The following PGM5 variants were observed in gnomAD, a reference collection of about 807,000 sequenced individuals.
PGM5 encodes phosphoglucomutase-like protein 5.
In PGM5, 23 loss-of-function variants were observed where a neutral mutation model predicts 59.2. That is an observed-to-expected ratio of 0.39 (90% CI 0.28 to 0.55). PGM5 has a LOEUF of 0.55. Among genes scored for constraint, PGM5 ranks in the 20% least tolerant of loss-of-function variants. PGM5 has a pLI of 0.66. For missense variants in PGM5, 574 were observed against 748.3 expected (o/e 0.77, Z 2.72); for synonymous variants, 214 against 286.0 (o/e 0.75, Z 2.54).
At chr9:68,440,011 A>G (rs1554683596) in intron 6 of PGM5, among the ~76,000 whole-genome samples, 1 of 152,222 alleles carries the variant, frequency 6.6e-6, no homozygotes, top group Non-Finnish European at 1.5e-5. Flanking sequence ...GGGTCAGTTT[A>G]CCAAAAAGAT....
chr9:68,422,998 C>T (rs1391726573), intron 6 of PGM5, among the ~76,000 whole-genome samples: 1 of 152,182 alleles, frequency 6.6e-6, no homozygotes, highest in Non-Finnish European at 1.5e-5. Context: ...TCCTGAATTA[C>T]TTCACTTAGA....
rs147808276 is a variant in PGM5, at chr9:68,390,683, C to T, written c.698-851C>T. Among the ~76,000 whole-genome samples, 234 of 152,238 alleles carry T rather than the reference C, an allele frequency of 1.5e-3. 3 individuals carry two copies. Among genetic ancestry groups the T allele is most frequent in the African/African-American group, 4.4e-3 (182 of 41,538 alleles). On this transcript the variant is annotated intron_variant, in intron 4 of 10. Coordinates refer to ENST00000396396, the MANE Select transcript of PGM5 (RefSeq NM_021965.4). ...TCCACAGATGTGCCTTATGTTCTAC[C>T]TCAGGCTCTGTTCCCTTGCTCATAA...
chr9:68,392,589 T>C (rs1269413773), intron 6 of PGM5, 116 bp downstream of exon 6: 2 of 1,505,840 alleles, frequency 1.3e-6, no homozygotes, highest in African/African-American at 2.8e-5. Context: ...GTTGAAAGCA[T>C]GGGAACACGG....
chr9:68,440,177 T>G (rs953400278), intron 6 of PGM5, among the ~76,000 whole-genome samples: 1 of 152,166 alleles, frequency 6.6e-6, no homozygotes, highest in Non-Finnish European at 1.5e-5. Flanking sequence ...CAGAAACAGA[T>G]AGATCTGATG....
intron 10 of PGM5, among the ~76,000 whole-genome samples, chr9:68,519,842 C>T (rs1824872500): frequency 6.6e-6 from 1 of 151,096 alleles, no homozygotes; most frequent in Non-Finnish European, 1.5e-5. Context: ...GGTAGGATTG[C>T]TTAAGCCTGG....
chr9:68,519,832 G>A (rs559698964), intron 10 of PGM5, among the ~76,000 whole-genome samples: 227 of 151,290 alleles, frequency 1.5e-3, no homozygotes, highest in Admixed American at 4.1e-3. Context: ...AGGCCAAGGT[G>A]GTAGGATTGC....
chr9:68,496,742 T>C (rs1554688179), intron 9 of PGM5: 1 of 152,262 alleles, frequency 6.6e-6, no homozygotes, highest in African/African-American at 2.4e-5. Context: ...CACATGTTTA[T>C]AGTTTGTTAT....
intron 1 of PGM5, among the ~76,000 whole-genome samples, chr9:68,376,586 C>T (rs192547931): frequency 6.0e-5 from 9 of 150,556 alleles, no homozygotes; most frequent in East Asian, 5.9e-4. Flanking sequence ...TGGTCAGTGA[C>T]GGACCTCTAG....
At chr9:68,452,006 A>G (rs1237381420) in intron 6 of PGM5, among the ~76,000 whole-genome samples, 2 of 152,240 alleles carry the variant, frequency 1.3e-5, no homozygotes, top group Non-Finnish European at 2.9e-5. Context: ...CTGGATCTTG[A>G]AGAAGGGATA....
intron 9 of PGM5, among the ~76,000 whole-genome samples, chr9:68,488,363 C>T (rs782400190): frequency 1.1e-4 from 17 of 152,332 alleles, no homozygotes; most frequent in Non-Finnish European, 2.1e-4. Flanking sequence ...GAAAAAAATC[C>T]TGTTTCACAT....
At chr9:68,361,557 G>A (rs1223311512) in intron 1 of PGM5, among the ~76,000 whole-genome samples, 32 of 151,826 alleles carry the variant, frequency 2.1e-4, no homozygotes, top group Non-Finnish European at 3.1e-4. Flanking sequence ...AGGAGCATGC[G>A]GTTTTGATAT....
chr9:68,373,506 C>T, intron 1 of PGM5, among the ~76,000 whole-genome samples: 1 of 152,306 alleles, frequency 6.6e-6, no homozygotes. Context: ...AAAAATGTAT[C>T]TATAATTGTT....
intron 8 of PGM5, 66 bp from the exon 9 acceptor site, chr9:68,483,799 C>G (rs1262190818): frequency 6.9e-7 from 1 of 1,446,032 alleles, no homozygotes; most frequent in Non-Finnish European, 9.7e-7. Context: ...GATTAAATAA[C>G]TGTAAGTGGG....
Position 68,392,595 on chromosome 9 carries a change from C to T in PGM5, c.1043+122C>T, listed in dbSNP as rs1201251026. The T allele has an allele frequency of 1.3e-5, 20 of 1,488,264 alleles. No individual in the cohort carries two copies. In the African/African-American group the frequency reaches 2.2e-4, roughly 17 times the overall value. The allele number at this position is 1,488,264 out of a possible 1,614,324, so 92.2% of individuals were successfully genotyped here. ...TGGGAATGCGTTGAAAGCATGGGAA[C>T]ACGGTATAGTGTACTGGGTAGAAGC... On this transcript the variant is annotated intron_variant, in intron 6 of 10. Transcript: ENST00000396396.
At chr9:68,434,573 G>A (rs1181742426) in intron 6 of PGM5, among the ~76,000 whole-genome samples, 3 of 152,002 alleles carry the variant, frequency 2.0e-5, no homozygotes, top group African/African-American at 2.4e-5. Flanking sequence ...TTGGGAGGCC[G>A]AGGCAAGTGG....
chr9:68,439,385 A>G (rs1823490494), intron 6 of PGM5, among the ~76,000 whole-genome samples: 1 of 147,528 alleles, frequency 6.8e-6, no homozygotes. Context: ...ATATATATAT[A>G]TCTTTATAAG....
chr9:68,423,806 C>A (rs1823189166), intron 6 of PGM5, among the ~76,000 whole-genome samples: 1 of 152,122 alleles, frequency 6.6e-6, no homozygotes, highest in Admixed American at 6.6e-5. Context: ...AAAGTGTGGT[C>A]ACGCATACAC....
intron 10 of PGM5, among the ~76,000 whole-genome samples, chr9:68,502,426 G>A (rs1305757566): frequency 1.3e-5 from 2 of 152,088 alleles, no homozygotes; most frequent in African/African-American, 2.4e-5. Context: ...TTAGCTTCTC[G>A]TTGACCTTCT....
At chr9:68,383,945 C>A (rs1374786569) in intron 2 of PGM5, among the ~76,000 whole-genome samples, 5 of 151,824 alleles carry the variant, frequency 3.3e-5, no homozygotes, top group African/African-American at 1.2e-4. Context: ...GCTCACACAT[C>A]AATTAGGTAG....
Sources: allele counts gnomAD v4.1 joint callset (sites outside exome capture counted in the v4.1 genomes callset), GRCh38; gene constraint gnomAD v4.1.1; transcripts MANE v1.5; gene names NCBI Gene and HGNC (gene_info 2026-07-23, HGNC 2026-07-21).